Variants in NOL9 observed in about 807,000 individuals in gnomAD.
NOL9 encodes polynucleotide 5'-hydroxyl-kinase NOL9.
NOL9 carries 28 observed loss-of-function variants against 67.9 expected under a neutral mutation model. That is an observed-to-expected ratio of 0.41 (90% CI 0.31 to 0.57). The LOEUF is 0.57. Ranked by LOEUF, NOL9 falls within the 20% of genes least tolerant of loss-of-function variation. NOL9 has a pLI of 0.25. For missense variants in NOL9, 777 were observed against 897.0 expected (o/e 0.87, Z 1.71); for synonymous variants, 356 against 352.2 (o/e 1.01, Z -0.12).
At chr1:6,544,301 C>T (rs943308370) in intron 5 of NOL9, among the ~76,000 whole-genome samples, 5 of 150,522 alleles carry the variant, frequency 3.3e-5, no homozygotes, top group African/African-American at 7.4e-5. Flanking sequence ...AAAAATTAAG[C>T]GAAAATTCCC....
chr1:6,543,457 A>T (rs765391588), intron 5 of NOL9, among the ~76,000 whole-genome samples: 26 of 151,836 alleles, frequency 1.7e-4, no homozygotes, highest in South Asian at 1.2e-3. Flanking sequence ...AGCATCCCAA[A>T]GGCTTGGGAT....
intron 6 of NOL9, among the ~76,000 whole-genome samples, chr1:6,541,309 G>A (rs1206089617): frequency 6.6e-6 from 1 of 152,108 alleles, no homozygotes; most frequent in Non-Finnish European, 1.5e-5. Context: ...AGCCTCCCGA[G>A]GAGCTGGGAC....
At chr1:6,528,400 A>G (rs1638938657) in intron 10 of NOL9, among the ~76,000 whole-genome samples, 1 of 152,228 alleles carries the variant, frequency 6.6e-6, no homozygotes, top group East Asian at 1.9e-4. Flanking sequence ...AAGAGGTGGA[A>G]GAAGCTGACA....
chr1:6,545,146 G>A lies in NOL9; in HGVS notation c.779C>T (p.Ala260Val), dbSNP rs1179213949. The change falls in exon 4 of 12, where the codon GCC becomes GTC. Residue 260 changes from alanine (A) to valine (V), a missense_variant. Coordinates refer to ENST00000377705, the MANE Select transcript of NOL9 (RefSeq NM_024654.5). ...PTPQIKPEYL[A>V]LRSVGIRREK... ...TCTTCTGATGCCAACAGACCTCAAG[G>A]CTAAATATTCAGGTTTAATCTGGGG... The A allele has an allele frequency of 2.5e-6, 4 of 1,613,842 alleles. No homozygotes were observed. The East Asian group carries it at 6.7e-5, about 27-fold the overall frequency.
intron 5 of NOL9, among the ~76,000 whole-genome samples, chr1:6,544,525 A>ACACGCATG (rs1639372876): frequency 1.4e-5 from 1 of 69,490 alleles, no homozygotes; most frequent in Non-Finnish European, 3.2e-5. Context: ...ACACACACAC[A>ACACGCATG]CACGCACGCA....
At chr1:6,534,979 C>CT (rs1639117204) in intron 6 of NOL9, among the ~76,000 whole-genome samples, 2 of 152,058 alleles carry the variant, frequency 1.3e-5, no homozygotes, top group African/African-American at 4.8e-5. Flanking sequence ...AATTTTTGGA[C>CT]TTTTTTAGTA....
In NOL9 at chr1:6,533,445, A is replaced by C; in HGVS notation, c.1076-4T>G. Reference sequence around the variant, plus strand: ...CTCAGGTGAGTGAAAGGTGGTCCTAAAAAGATAAAGATGAGTAATCAGATG... The same window carrying C: ...CTCAGGTGAGTGAAAGGTGGTCCTACAAAGATAAAGATGAGTAATCAGATG... On this transcript the variant is annotated splice_polypyrimidine_tract_variant and splice_region_variant and intron_variant, in intron 6 of 11. Coordinates refer to ENST00000377705, the MANE Select transcript of NOL9 (RefSeq NM_024654.5). The C allele has an allele frequency of 3.2e-6, 5 of 1,578,838 alleles. No homozygotes were observed. The highest frequency in any genetic ancestry group is 4.3e-6 in the Non-Finnish European group (5 of 1,159,298).
chr1:6,549,459 G>C (rs1030035135), intron 3 of NOL9, 112 bp downstream of exon 3: 3 of 1,184,052 alleles, frequency 2.5e-6, no homozygotes, highest in East Asian at 2.5e-5. Context: ...CTGTAGGACT[G>C]AGAGCACTAG....
At chr1:6,530,347 G>A (rs7552107) in intron 9 of NOL9, among the ~76,000 whole-genome samples, 23,007 of 152,144 alleles carry the variant, frequency 0.15, 2,099 homozygotes, top group African/African-American at 0.25. Flanking sequence ...CCAGCTACTC[G>A]GGAGGCTGAC....
intron 5 of NOL9, 71 bp downstream of exon 5, chr1:6,544,755 T>C: frequency 6.6e-7 from 1 of 1,517,294 alleles, no homozygotes; most frequent in Non-Finnish European, 9.1e-7. Flanking sequence ...AAGCATTCCC[T>C]CCAAATCAAA....
At chr1:6,544,974 C>T (rs781406672) in intron 4 of NOL9, 52 bp from the exon 5 acceptor site, 43 of 1,614,096 alleles carry the variant, frequency 2.7e-5, no homozygotes, top group South Asian at 6.6e-5. Context: ...TCCTTGGACT[C>T]GAATTATGAC....
rs570309222 is a variant in NOL9, at chr1:6,526,606, C to T, written c.1959+90G>A. The stretch of plus-strand genomic sequence containing the variant: ...CAAAGTATAGGTTTCCCAGATCACC[C>T]ATTCCCATGACCCCTGACCCTACTT... On this transcript the variant is annotated intron_variant, in intron 11 of 11. Transcript: ENST00000377705. 7 of 1,306,146 alleles carry T rather than the reference C, an allele frequency of 5.4e-6. No individual in the cohort carries two copies. In the East Asian group the frequency reaches 1.6e-4, roughly 31 times the overall value. 80.9% of individuals were successfully genotyped at this position (1,306,146 alleles called of 1,614,324 possible). A position where few individuals can be genotyped will look rare whatever the true frequency, so the allele number is the denominator to read the frequency against.
chr1:6,540,016 G>C (rs1486832298), intron 6 of NOL9, among the ~76,000 whole-genome samples: 2 of 151,896 alleles, frequency 1.3e-5, no homozygotes, highest in Non-Finnish European at 2.9e-5. Flanking sequence ...ACAGAGTTTT[G>C]CTCTTGCTGC....
intron 6 of NOL9, among the ~76,000 whole-genome samples, chr1:6,539,189 T>C (rs974446636): frequency 2.6e-5 from 4 of 152,198 alleles, no homozygotes; most frequent in East Asian, 1.9e-4. Context: ...ATCAGAACTC[T>C]TGTGCATTGC....
intron 5 of NOL9, among the ~76,000 whole-genome samples, chr1:6,542,762 T>G (rs1402502648): frequency 6.6e-6 from 1 of 151,512 alleles, no homozygotes; most frequent in Non-Finnish European, 1.5e-5. Flanking sequence ...CAGCTAATTT[T>G]TGTATTTTTA....
intron 6 of NOL9, among the ~76,000 whole-genome samples, chr1:6,540,218 G>A (rs1253481032): frequency 6.9e-6 from 1 of 145,780 alleles, no homozygotes; most frequent in African/African-American, 2.5e-5. Flanking sequence ...CGCCTCCTGG[G>A]TTCATGCCAT....
In NOL9 at chr1:6,532,489, A is replaced by G. The variant is rs1194112090; in HGVS notation, c.1509T>C (p.Phe503=). ...GHKLIGVYTD[F]AFRITPRNRE... Reference sequence around the variant, plus strand: ...TATTTCTTGGAGTTATTCTGAATGCAAAGTCTGTATAAACACCTATCAGTT... The same window carrying G: ...TATTTCTTGGAGTTATTCTGAATGCGAAGTCTGTATAAACACCTATCAGTT... Residue 503 remains phenylalanine (F), a synonymous_variant, in exon 8 of 12, where the codon TTT becomes TTC. Coordinates refer to ENST00000377705, the MANE Select transcript of NOL9 (RefSeq NM_024654.5). The G allele has an allele frequency of 1.2e-6, 2 of 1,611,830 alleles. No homozygotes were observed. The highest frequency in any genetic ancestry group is 1.7e-6 in the Non-Finnish European group (2 of 1,178,120).
In NOL9 at chr1:6,549,499, C is replaced by A. The variant is rs11122091; in HGVS notation, c.744+72G>T. On this transcript the variant is annotated intron_variant, in intron 3 of 11. Transcript: ENST00000377705. The stretch of plus-strand genomic sequence containing the variant: ...ACCAACTGTTCTTCCAAGACAACAT[C>A]CTACATAGTCATTTGAAATCACTGT... The A allele has an allele frequency of 0.85, 1,318,133 of 1,555,010 alleles. 562,515 individuals carry two copies. Among genetic ancestry groups the A allele is most frequent in the Admixed American group, 0.89 (48,986 of 55,106 alleles).
rs1185552280 is a variant in NOL9, at chr1:6,554,383, C to G, written c.120G>C (p.Leu40=). The part of the protein sequence containing the change: ...SRRPRRRLGS[L]RWCGRRRLRW... The stretch of plus-strand genomic sequence containing the variant: ...GTAGGCGCCGCCGACCGCACCAGCG[C>G]AGGCTCCCGAGCCGGCGGCGGGGCC... Residue 40 remains leucine, a synonymous_variant, in exon 1 of 12, where the codon CTG becomes CTC. Transcript: ENST00000377705. 1.1e-5 allele frequency: 16 copies of G among 1,485,072 alleles called. No individual in the cohort carries two copies. Among genetic ancestry groups the G allele is most frequent in the Non-Finnish European group, 1.4e-5 (16 of 1,129,360 alleles). 92.0% of individuals were successfully genotyped at this position (1,485,072 alleles called of 1,614,324 possible).
Sources: allele counts gnomAD v4.1 joint callset (sites outside exome capture counted in the v4.1 genomes callset), GRCh38; gene constraint gnomAD v4.1.1; transcripts MANE v1.5; gene names NCBI Gene and HGNC (gene_info 2026-07-23, HGNC 2026-07-21).